FUT8: variants seen among roughly 807,000 people sequenced by gnomAD.
FUT8 encodes alpha-(1,6)-fucosyltransferase.
Under a neutral mutation model 71.3 loss-of-function variants are expected in FUT8, and 29 were observed. That is an observed-to-expected ratio of 0.41 (90% CI 0.30 to 0.55). The LOEUF (loss-of-function observed/expected upper bound fraction) is 0.55, where lower values mean the gene tolerates loss of function less well. Among genes scored for constraint, FUT8 ranks in the 20% least tolerant of loss-of-function variants. FUT8 has a pLI of 0.34. For synonymous variants in FUT8, 254 were observed against 239.3 expected (o/e 1.06, Z -0.57); for missense variants, 544 against 702.1 (o/e 0.77, Z 2.55).
At chr14:65,547,029 A>G (rs1034082418) in intron 2 of FUT8, among the ~76,000 whole-genome samples, 1 of 151,398 alleles carries the variant, frequency 6.6e-6, no homozygotes, top group African/African-American at 2.4e-5. Context: ...TATTTGTAAT[A>G]TTTTCTTATT....
intron 6 of FUT8, among the ~76,000 whole-genome samples, chr14:65,633,556 A>G (rs1261125143): frequency 1.4e-5 from 2 of 147,968 alleles, no homozygotes; most frequent in Admixed American, 6.7e-5. Flanking sequence ...CCCGGCCACC[A>G]TCCCATCTAG....
chr14:65,626,937 G>A (rs916326482), intron 5 of FUT8, among the ~76,000 whole-genome samples: 1 of 152,142 alleles, frequency 6.6e-6, no homozygotes, highest in Non-Finnish European at 1.5e-5. Flanking sequence ...ACCTGGGTAA[G>A]GATTATTCCC....
chr14:65,664,484 A>T (rs1484875416), intron 6 of FUT8, among the ~76,000 whole-genome samples: 1 of 152,108 alleles, frequency 6.6e-6, no homozygotes, highest in African/African-American at 2.4e-5. Context: ...AATCTTGCTG[A>T]ATTTTATCAG....
chr14:65,372,560 C>T, the FUT8 span, among the ~76,000 whole-genome samples: 8 of 151,846 alleles, frequency 5.3e-5, no homozygotes, highest in African/African-American at 1.7e-4. Context: ...GGATTACAGG[C>T]GCCCACCACC....
chr14:65,707,288 G>A (rs568681703), intron 7 of FUT8, among the ~76,000 whole-genome samples: 6 of 152,148 alleles, frequency 3.9e-5, no homozygotes, highest in South Asian at 2.1e-4. Context: ...TCTGTTGACC[G>A]TTAGTATCTC....
intron 3 of FUT8, among the ~76,000 whole-genome samples, chr14:65,583,333 C>T (rs1005875564): frequency 6.6e-6 from 1 of 152,152 alleles, no homozygotes; most frequent in African/African-American, 2.4e-5. Flanking sequence ...AGGCACATGC[C>T]ATCAGGCCTG....
intron 6 of FUT8, among the ~76,000 whole-genome samples, chr14:65,641,807 A>T (rs1890855246): frequency 7.0e-6 from 1 of 141,980 alleles, no homozygotes; most frequent in Non-Finnish European, 1.5e-5. Flanking sequence ...TCATATGCAT[A>T]TTTTCATCTG....
rs532995999 is a variant in FUT8 at position 65,626,988 on chromosome 14, A to G, written c.483-2504A>G. Among the ~76,000 whole-genome samples, 5 of 152,190 alleles carry G rather than the reference A, an allele frequency of 3.3e-5. No homozygotes were observed. The South Asian group carries it at 1.0e-3, about 31-fold the overall frequency. ...TCAAACTGGATTTGTAAAAGATAAAAATTATCACCGTTATCTCATTATATA... is the reference window on the plus strand; with the variant it reads ...TCAAACTGGATTTGTAAAAGATAAAGATTATCACCGTTATCTCATTATATA... On this transcript the variant is annotated intron_variant, in intron 5 of 10. Coordinates refer to ENST00000673929, the MANE Select transcript of FUT8 (RefSeq NM_001371533.1).
In FUT8 at chr14:65,649,091, T is replaced by C. The variant is rs919257712; in HGVS notation, c.597+19485T>C. Among the ~76,000 whole-genome samples, 8 of 152,212 alleles carry C rather than the reference T, an allele frequency of 5.3e-5. No homozygotes were observed. The East Asian group carries it at 5.8e-4, about 11-fold the overall frequency. On this transcript the variant is annotated intron_variant, in intron 6 of 10. Transcript: ENST00000673929. ...TCCTTTCTTTTCATTGGTATAAACATTGTTCATTGTTAAACAAAATATATC... is the reference window on the plus strand; with the variant it reads ...TCCTTTCTTTTCATTGGTATAAACACTGTTCATTGTTAAACAAAATATATC...
intron 7 of FUT8, among the ~76,000 whole-genome samples, chr14:65,674,903 C>G (rs1892639758): frequency 6.6e-6 from 1 of 152,194 alleles, no homozygotes; most frequent in Admixed American, 6.5e-5. Flanking sequence ...TGCCCTTTAC[C>G]TGACTCCTTT....
intron 2 of FUT8, among the ~76,000 whole-genome samples, chr14:65,544,697 T>C (rs1231148704): frequency 1.3e-5 from 2 of 152,140 alleles, no homozygotes; most frequent in Non-Finnish European, 2.9e-5. Flanking sequence ...TATGTGTTTG[T>C]ACTTTATAAC....
chr14:65,591,347 A>G (rs556105208), intron 3 of FUT8, among the ~76,000 whole-genome samples: 2 of 152,264 alleles, frequency 1.3e-5, no homozygotes, highest in East Asian at 3.9e-4. Flanking sequence ...AAGAACATGA[A>G]AGGGGCATGA....
intron 7 of FUT8, among the ~76,000 whole-genome samples, chr14:65,692,653 G>C (rs980246276): frequency 6.0e-5 from 9 of 150,736 alleles, no homozygotes; most frequent in African/African-American, 2.2e-4. Flanking sequence ...GGGCGGAGAC[G>C]CTCCTCACTT....
At chr14:65,677,152 G>GTGCGCGCGCGCGCGCA (rs1555383261) in intron 7 of FUT8, among the ~76,000 whole-genome samples, 3 of 59,480 alleles carry the variant, frequency 5.0e-5, no homozygotes, top group Admixed American at 1.5e-4. Context: ...GTGTGTGTGT[G>GTGCGCGCGCGCGCGCA]CGCGCGCGCA....
intron 2 of FUT8, among the ~76,000 whole-genome samples, chr14:65,537,399 AT>A (rs370859287): frequency 0.015 from 2,218 of 150,530 alleles, 56 homozygotes; most frequent in African/African-American, 0.048. Flanking sequence ...TTACTTACAT[AT>A]TTTTTTTGAC....
At chr14:65,601,069 A>T (rs2140169499) in intron 3 of FUT8, among the ~76,000 whole-genome samples, 1 of 152,292 alleles carries the variant, frequency 6.6e-6, no homozygotes, top group East Asian at 1.9e-4. Context: ...ACAGATTATC[A>T]TATGTGATTA....
intron 3 of FUT8, among the ~76,000 whole-genome samples, chr14:65,609,224 G>T (rs533491024): frequency 4.0e-5 from 6 of 151,586 alleles, no homozygotes; most frequent in African/African-American, 1.4e-4. Context: ...GAACCCGAGA[G>T]GTGGAGGTTG....
the FUT8 span, among the ~76,000 whole-genome samples, chr14:65,374,294 C>T: frequency 6.9e-4 from 105 of 152,184 alleles, no homozygotes; most frequent in Admixed American, 2.9e-3. Flanking sequence ...AATGATTTTC[C>T]ATTTATTTTA....
intron 2 of FUT8, among the ~76,000 whole-genome samples, chr14:65,499,933 T>C (rs533227629): frequency 1.3e-5 from 2 of 152,120 alleles, no homozygotes; most frequent in Admixed American, 6.6e-5. Context: ...GGTAAAAAAA[T>C]TTTTATATTT....
Sources: allele counts gnomAD v4.1 joint callset (sites outside exome capture counted in the v4.1 genomes callset), GRCh38; gene constraint gnomAD v4.1.1; transcripts MANE v1.5; gene names NCBI Gene and HGNC (gene_info 2026-07-23, HGNC 2026-07-21).